The following ZNF469 variants were observed in gnomAD, a reference collection of about 807,000 sequenced individuals.
ZNF469 encodes the protein zinc finger protein 469.
ZNF469 carries 1 observed loss-of-function variant against 1.0 expected under a neutral mutation model. The ratio of observed to expected loss-of-function variants is 1.00; its 90% CI spans 0.35 to 4.73. ZNF469 has a LOEUF of 4.73. Among genes scored for constraint, ZNF469 ranks in the 30% most tolerant of loss-of-function variants. ZNF469 has a pLI of 0.16. For synonymous variants in ZNF469, 2,703 were observed against 2,363.4 expected (o/e 1.14, Z -4.17); for missense variants, 6,100 against 5,356.3 (o/e 1.14, Z -4.33).
chr16:88,330,168 G>C, the ZNF469 span, among the ~76,000 whole-genome samples: 1 of 152,232 alleles, frequency 6.6e-6, no homozygotes, highest in African/African-American at 2.4e-5. Context: ...ATCACCCCTA[G>C]GCAATGGGCA....
chr16:88,283,492 G>A, the ZNF469 span, among the ~76,000 whole-genome samples: 2 of 152,338 alleles, frequency 1.3e-5, no homozygotes, highest in East Asian at 3.9e-4. Context: ...CAACAACTGT[G>A]AGCCTAGGCA....
the ZNF469 span, among the ~76,000 whole-genome samples, chr16:88,288,868 A>C: frequency 6.6e-6 from 1 of 151,764 alleles, no homozygotes; most frequent in Non-Finnish European, 1.5e-5. Flanking sequence ...GAGAGAGAGC[A>C]CTTGTAACAG....
the ZNF469 span, among the ~76,000 whole-genome samples, chr16:88,241,357 TAA>T: frequency 8.5e-4 from 115 of 134,810 alleles, no homozygotes; most frequent in African/African-American, 1.1e-3. The surrounding 1 kb of genome is among the most constrained non-coding windows in gnomAD (Gnocchi z 4.8). Flanking sequence ...AGACTCCCTC[TAA>T]AAAAAAAAAA....
chr16:88,438,565 C>G lies in ZNF469; in HGVS notation c.11095C>G (p.Pro3699Ala), dbSNP rs1906772368. ...PSKALKFPVH[P>A]RKAVGSLAPG... ...CAAAGCACTCAAGTTCCCAGTGCACCCAAGGAAGGCGGTGGGGAGCCTGGC... is the reference window on the plus strand; with the variant it reads ...CAAAGCACTCAAGTTCCCAGTGCACGCAAGGAAGGCGGTGGGGAGCCTGGC... The change falls in exon 3 of 3, where the codon CCA (proline) becomes GCA (alanine). Residue 3699 changes from proline to alanine, a missense_variant. Pro to Ala is a conservative substitution (Grantham distance 27, BLOSUM62 -1). Coordinates refer to ENST00000565624, the MANE Select transcript of ZNF469 (RefSeq NM_001367624.2). 1 of 1,550,130 alleles carries G rather than the reference C, an allele frequency of 6.5e-7. No homozygotes were observed. Among genetic ancestry groups the G allele is most frequent in the Admixed American group, 2.0e-5 (1 of 51,010 alleles).
At chr16:88,316,263 G>A in the ZNF469 span, among the ~76,000 whole-genome samples, 18 of 152,170 alleles carry the variant, frequency 1.2e-4, no homozygotes, top group African/African-American at 3.9e-4. Flanking sequence ...TTATACCTTG[G>A]GCGAGTGTGA....
chr16:88,131,038 C>T, the ZNF469 span, among the ~76,000 whole-genome samples: 206 of 152,322 alleles, frequency 1.4e-3, no homozygotes, highest in South Asian at 0.03. Context: ...GCGGGCAGCG[C>T]GGCGTTCGCC....
At chr16:88,340,655 C>T in the ZNF469 span, among the ~76,000 whole-genome samples, 2 of 152,046 alleles carry the variant, frequency 1.3e-5, no homozygotes, top group South Asian at 2.1e-4. Context: ...TGCAGGGCGG[C>T]GCAGCTTAAC....
chr16:88,400,402 C>T (rs1904820532), intron 1 of ZNF469, among the ~76,000 whole-genome samples: 1 of 152,228 alleles, frequency 6.6e-6, no homozygotes, highest in Non-Finnish European at 1.5e-5. Flanking sequence ...GACTGAGGCC[C>T]TGCCGGCTCA....
chr16:88,372,606 A>G, the ZNF469 span, among the ~76,000 whole-genome samples: 217 of 151,214 alleles, frequency 1.4e-3, no homozygotes, highest in African/African-American at 5.0e-3. Context: ...TACCACCGTC[A>G]TCATGATCTT....
chr16:88,254,450 G>C, the ZNF469 span, among the ~76,000 whole-genome samples: 1 of 152,258 alleles, frequency 6.6e-6, no homozygotes, highest in Middle Eastern at 3.4e-3. Flanking sequence ...CTCTAATTGT[G>C]TTGTTCTCTT....
intron 1 of ZNF469, among the ~76,000 whole-genome samples, chr16:88,393,596 C>T (rs898458339): frequency 7.2e-5 from 11 of 152,180 alleles, no homozygotes; most frequent in Admixed American, 4.6e-4. Flanking sequence ...GCCCCAGTGC[C>T]GAGCTGCCCG....
At chr16:88,165,008 C>T in the ZNF469 span, among the ~76,000 whole-genome samples, 1 of 152,196 alleles carries the variant, frequency 6.6e-6, no homozygotes. Flanking sequence ...TGTCTTTTAT[C>T]CCCCCACAGG....
chr16:88,259,815 G>A, the ZNF469 span, among the ~76,000 whole-genome samples: 1 of 152,166 alleles, frequency 6.6e-6, no homozygotes, highest in African/African-American at 2.4e-5. This position sits in a 1 kb window ranked among gnomAD's most constrained non-coding sequence, Gnocchi z 4.1. Flanking sequence ...GGGGTGGGGG[G>A]CTGCAGGCTC....
At chr16:88,216,327 C>G in the ZNF469 span, among the ~76,000 whole-genome samples, 1 of 151,988 alleles carries the variant, frequency 6.6e-6, no homozygotes, top group African/African-American at 2.4e-5. Context: ...AACCCCGTCT[C>G]TCCTAAAAAT....
the ZNF469 span, among the ~76,000 whole-genome samples, chr16:88,256,550 A>G: frequency 3.3e-5 from 5 of 152,098 alleles, no homozygotes; most frequent in East Asian, 7.7e-4. Flanking sequence ...TAAGTTTCCA[A>G]CTCCTTTGGG....
the ZNF469 span, among the ~76,000 whole-genome samples, chr16:88,331,637 G>A: frequency 0.019 from 2,741 of 140,578 alleles, 28 homozygotes; most frequent in African/African-American, 0.024. Flanking sequence ...TGTTACCACC[G>A]CCATCATCAT....
At chr16:88,406,815 C>G (rs1192856652) in intron 1 of ZNF469, among the ~76,000 whole-genome samples, 2 of 152,122 alleles carry the variant, frequency 1.3e-5, no homozygotes, top group African/African-American at 2.4e-5. Flanking sequence ...TAGTGTTTTG[C>G]TTTCTTGGTT....
chr16:88,429,427 C>G lies in ZNF469; in HGVS notation c.1957C>G (p.Pro653Ala). 1.3e-6 allele frequency: 2 copies of G among 1,519,156 alleles called. No homozygotes were observed. The highest frequency in any genetic ancestry group is 1.8e-6 in the Non-Finnish European group (2 of 1,121,018). The allele number at this position is 1,519,156 out of a possible 1,614,324, so 94.1% of individuals were successfully genotyped here. A position where few individuals can be genotyped will look rare whatever the true frequency, so the allele number is the denominator to read the frequency against. Residue 653 changes from proline to alanine, a missense_variant, in exon 3 of 3, where the codon CCC becomes GCC. Transcript: ENST00000565624. ...ETGSPFPSPE[P>A]PHSLPTHYQP... ...GGGCAGCCCCTTCCCGTCCCCGGAG[C>G]CCCCCCACTCCCTCCCCACCCACTA...
the ZNF469 span, among the ~76,000 whole-genome samples, chr16:88,321,645 T>G: frequency 6.6e-6 from 1 of 151,772 alleles, no homozygotes; most frequent in East Asian, 1.9e-4. Context: ...TCTGATTGGA[T>G]GTGACCCTCG....
Sources: allele counts gnomAD v4.1 joint callset (sites outside exome capture counted in the v4.1 genomes callset), GRCh38; gene constraint gnomAD v4.1.1; non-coding constraint Gnocchi (gnomAD v3.1); transcripts MANE v1.5; gene names NCBI Gene and HGNC (gene_info 2026-07-23, HGNC 2026-07-21).